MAP4K4: variants seen among roughly 807,000 people sequenced by gnomAD.
The protein encoded by MAP4K4 is HPK/GCK-like kinase HGK.
A neutral mutation model predicts 189.6 loss-of-function variants in MAP4K4; 38 were observed. That is an observed-to-expected ratio of 0.20 (90% confidence interval 0.15 to 0.26). The LOEUF is 0.26. MAP4K4 is among the 10% of genes least tolerant of loss of function. MAP4K4 has a pLI of 1.00. For synonymous variants in MAP4K4, 610 were observed against 624.3 expected (o/e 0.98, Z 0.34); for missense variants, 1,054 against 1,726.9 (o/e 0.61, Z 6.91).
intron 9 of MAP4K4, among the ~76,000 whole-genome samples, 166 bp from the exon 10 acceptor site, chr2:101,839,653 A>G (rs2096861591): frequency 6.6e-6 from 1 of 152,194 alleles, no homozygotes; most frequent in Non-Finnish European, 1.5e-5. Flanking sequence ...CTGATCCTCA[A>G]CAGTCCTGAG....
Position 101,887,945 on chromosome 2 carries a change from G to C in MAP4K4, c.3931+8G>C. On this transcript the variant is annotated splice_region_variant and intron_variant, in intron 31 of 32. Coordinates refer to ENST00000324219, the Ensembl canonical transcript of MAP4K4. Reference sequence around the variant, plus strand: ...AGATGCCTACATCAGTAGGTATGGAGAACTTGGGGAAAGGCAGCATTTGTG... The same window carrying C: ...AGATGCCTACATCAGTAGGTATGGACAACTTGGGGAAAGGCAGCATTTGTG... The C allele has an allele frequency of 1.3e-6, 2 of 1,574,524 alleles. No homozygotes were observed. Among genetic ancestry groups the C allele is most frequent in the Non-Finnish European group, 1.7e-6 (2 of 1,161,510 alleles).
chr2:101,715,614 A>G (rs1004919898), intron 2 of MAP4K4, among the ~76,000 whole-genome samples: 7 of 152,338 alleles, frequency 4.6e-5, no homozygotes, highest in East Asian at 1.9e-4. Flanking sequence ...AAAATGCTCC[A>G]GTGAACATTT....
chr2:101,840,762 CAG>C (rs2096893233), intron 10 of MAP4K4, among the ~76,000 whole-genome samples: 1 of 152,160 alleles, frequency 6.6e-6, no homozygotes, highest in African/African-American at 2.4e-5. Context: ...ATTTCAAGGT[CAG>C]AGAAGAAACC....
At chr2:101,846,266 G>A (rs140736250) in intron 12 of MAP4K4, among the ~76,000 whole-genome samples, 3 of 152,324 alleles carry the variant, frequency 2.0e-5, no homozygotes, top group Non-Finnish European at 4.4e-5. Flanking sequence ...ATCTGTTCAA[G>A]TTGCATATTG....
chr2:101,756,378 T>C (rs111720367), intron 2 of MAP4K4, among the ~76,000 whole-genome samples: 4,745 of 152,226 alleles, frequency 0.031, 257 homozygotes, highest in African/African-American at 0.11. Context: ...TGCCATCTAC[T>C]CCAGCCCGTT....
At position 101,797,901 on chromosome 2, in the gene MAP4K4, T is replaced by G. The variant is rs974592930; in HGVS notation, c.180+7125T>G. On this transcript the variant is annotated intron_variant, in intron 3 of 32. Coordinates refer to ENST00000324219, the Ensembl canonical transcript of MAP4K4. The stretch of plus-strand genomic sequence containing the variant: ...AAACATTCTTTTAGTTTTTTTTTTT[T>G]TTTTTTTTTGGAGACCAAGGTCTTA... 5.6e-4 allele frequency among the ~76,000 whole-genome samples: 73 copies of G among 130,750 alleles called. 2 individuals are homozygous for G. The highest frequency in any genetic ancestry group is 1.9e-3 in the African/African-American group (64 of 34,196). 85.8% of individuals were successfully genotyped at this position (130,750 alleles called of 152,430 possible).
intron 12 of MAP4K4, among the ~76,000 whole-genome samples, chr2:101,844,844 G>T (rs984706019): frequency 6.6e-6 from 1 of 151,926 alleles, no homozygotes. Flanking sequence ...CCTAGGTGAC[G>T]GGTTGACAGG....
chr2:101,853,881 C>T lies in MAP4K4; in HGVS notation c.1234-2096C>T, dbSNP rs2097361827. ...GAATCTCTAGGAGCAACATCAGAAA[C>T]TAGAAGATGACATAGCACTGCCTTC... is the stretch of plus-strand genomic sequence containing the variant. On this transcript the variant is annotated intron_variant, in intron 12 of 32. Coordinates refer to ENST00000324219, the Ensembl canonical transcript of MAP4K4. Among the ~76,000 whole-genome samples, 3 of 152,150 alleles carry T rather than the reference C, an allele frequency of 2.0e-5. No individual in the cohort carries two copies. In the South Asian group the frequency reaches 6.2e-4, roughly 32 times the overall value.
At chr2:101,702,454 G>A (rs1049498013) in intron 2 of MAP4K4, among the ~76,000 whole-genome samples, 1 of 151,846 alleles carries the variant, frequency 6.6e-6, no homozygotes, top group Non-Finnish European at 1.5e-5. Flanking sequence ...CTGTAATCCC[G>A]GCTACTCAGG....
chr2:101,820,486 T>C (rs940946874), intron 3 of MAP4K4, among the ~76,000 whole-genome samples: 1 of 152,222 alleles, frequency 6.6e-6, no homozygotes, highest in African/African-American at 2.4e-5. Context: ...CCTTACAGAT[T>C]TACTGACTTT....
rs541862160 is a variant in MAP4K4 at position 101,700,295 on chromosome 2, T to G, written c.123+1757T>G. Among the ~76,000 whole-genome samples the G allele has an allele frequency of 2.0e-5, 3 of 152,318 alleles. No homozygotes were observed. The East Asian group carries it at 5.8e-4, about 29-fold the overall frequency. ...CAGGTTCATTGTTATTTCCCCTCATTGCCATTTTGGTTCCATTCCCCGCAA... is the reference window on the plus strand; with the variant it reads ...CAGGTTCATTGTTATTTCCCCTCATGGCCATTTTGGTTCCATTCCCCGCAA... On this transcript the variant is annotated intron_variant, in intron 2 of 32. Transcript: ENST00000324219.
At chr2:101,780,813 G>A (rs927971285) in intron 2 of MAP4K4, among the ~76,000 whole-genome samples, 1 of 152,192 alleles carries the variant, frequency 6.6e-6, no homozygotes, top group Non-Finnish European at 1.5e-5. Context: ...TCTTGACAGA[G>A]TCATATGATT....
intron 22 of MAP4K4, chr2:101,870,000 C>T (rs939268545): frequency 8.9e-6 from 6 of 675,050 alleles, no homozygotes; most frequent in Admixed American, 3.3e-5. Flanking sequence ...AGCACCCCAG[C>T]GTGTACTTTA....
chr2:101,787,103 A>G (rs1182137253), intron 2 of MAP4K4, among the ~76,000 whole-genome samples: 1 of 152,196 alleles, frequency 6.6e-6, no homozygotes, highest in Non-Finnish European at 1.5e-5. Flanking sequence ...TGGATGATAC[A>G]AGGGAAAAAA....
intron 32 of MAP4K4, among the ~76,000 whole-genome samples, chr2:101,889,298 C>G (rs746520386): frequency 1.3e-5 from 2 of 152,166 alleles, no homozygotes; most frequent in Admixed American, 6.5e-5. Context: ...TTGGGTACAT[C>G]AAAAGGTTCC....
At chr2:101,847,795 C>T (rs911989911) in intron 12 of MAP4K4, among the ~76,000 whole-genome samples, 5 of 152,124 alleles carry the variant, frequency 3.3e-5, no homozygotes, top group African/African-American at 1.2e-4. Context: ...TTTATGAAGT[C>T]TACAGTAGTG....
intron 27 of MAP4K4, among the ~76,000 whole-genome samples, chr2:101,880,142 T>C (rs973603974): frequency 9.2e-5 from 14 of 152,212 alleles, no homozygotes; most frequent in African/African-American, 3.4e-4. Context: ...TTGTGGCTTG[T>C]TTGTTCATGC....
intron 5 of MAP4K4, among the ~76,000 whole-genome samples, chr2:101,828,083 T>G (rs1374651936): frequency 2.6e-5 from 4 of 152,220 alleles, no homozygotes; most frequent in Non-Finnish European, 2.9e-5. Flanking sequence ...TAGACACACC[T>G]TAATTCCCTG....
At chr2:101,841,152 G>A in intron 10 of MAP4K4, among the ~76,000 whole-genome samples, 1 of 152,190 alleles carries the variant, frequency 6.6e-6, no homozygotes, top group East Asian at 1.9e-4. Context: ...GATGGAAACA[G>A]CAGAGCACCT....
Sources: gnomAD v4.1 joint callset for allele counts (sites outside exome capture counted in the v4.1 genomes callset) on GRCh38, gnomAD v4.1.1 for gene constraint, MANE v1.5 for transcripts, NCBI Gene and HGNC (gene_info 2026-07-23, HGNC 2026-07-21) for gene names.